The following AOPEP variants were observed in gnomAD, a reference collection of about 807,000 sequenced individuals.
The protein encoded by AOPEP is aminopeptidase O (putative), also known as aminopeptidase O.
In AOPEP, 77 loss-of-function variants were observed where a neutral mutation model predicts 98.1. That is an observed-to-expected ratio of 0.78 (90% CI 0.65 to 0.95). The LOEUF (loss-of-function observed/expected upper bound fraction) is 0.95, where lower values mean the gene tolerates loss of function less well. Among genes scored for constraint, AOPEP ranks in the 40% least tolerant of loss-of-function variants. The pLI, the probability that AOPEP is intolerant of heterozygous loss-of-function variation, is 0.00. For missense variants in AOPEP, 1,024 were observed against 1,024.7 expected, an observed-to-expected ratio of 1.00 and a Z score of 0.01; for synonymous variants, 346 against 365.3, an observed-to-expected ratio of 0.95 and a Z score of 0.60.
chr9:94,858,298 C>G (rs943536350), intron 5 of AOPEP, among the ~76,000 whole-genome samples: 3 of 152,102 alleles, frequency 2.0e-5, no homozygotes, highest in African/African-American at 7.2e-5. Context: ...AGATGTAAAC[C>G]TCTGTGTTTT....
chr9:95,148,223 C>T, the AOPEP span, among the ~76,000 whole-genome samples: 510 of 152,232 alleles, frequency 3.4e-3, 9 homozygotes, highest in East Asian at 0.043. Flanking sequence ...GAATTCTGTA[C>T]GGTGAAAAGG....
At chr9:94,958,913 A>G (rs952510485) in intron 9 of AOPEP, among the ~76,000 whole-genome samples, 1 of 151,620 alleles carries the variant, frequency 6.6e-6, no homozygotes, top group Non-Finnish European at 1.5e-5. Context: ...TCTTTGGTTT[A>G]TTATGCTTTA....
chr9:94,785,557 G>T (rs1844249939), intron 3 of AOPEP, among the ~76,000 whole-genome samples: 1 of 152,184 alleles, frequency 6.6e-6, no homozygotes, highest in African/African-American at 2.4e-5. Context: ...CAGAAAGAAG[G>T]GCAAGCTGGG....
At chr9:94,958,065 C>A (rs2058587577) in intron 9 of AOPEP, among the ~76,000 whole-genome samples, 1 of 152,176 alleles carries the variant, frequency 6.6e-6, no homozygotes, top group South Asian at 2.1e-4. Flanking sequence ...CTCCCCCAGC[C>A]CCAGCAACCG....
rs149734916 is a variant in AOPEP at position 94,821,715 on chromosome 9, C to G, written c.1364+20713C>G. Among the ~76,000 whole-genome samples the G allele has an allele frequency of 5.9e-5, 9 of 152,294 alleles. No homozygotes were observed. The East Asian group carries it at 1.7e-3, about 29-fold the overall frequency. Reference sequence around the variant, plus strand: ...CCAAAACTCAATTTTAAATAGTAGGCAGAGCCTATGCTGCTACCCTGTTAT... The same window carrying G: ...CCAAAACTCAATTTTAAATAGTAGGGAGAGCCTATGCTGCTACCCTGTTAT... On this transcript the variant is annotated intron_variant, in intron 5 of 16. Coordinates refer to ENST00000375315, the MANE Select transcript of AOPEP (RefSeq NM_001193329.3).
chr9:95,062,174 A>G (rs2067370853), intron 14 of AOPEP, among the ~76,000 whole-genome samples: 1 of 152,152 alleles, frequency 6.6e-6, no homozygotes, highest in Non-Finnish European at 1.5e-5. Flanking sequence ...AGAACCTTTG[A>G]GAAGAACGGC....
At chr9:94,849,502 C>CTTTT (rs1483175118) in intron 5 of AOPEP, among the ~76,000 whole-genome samples, 10 of 66,278 alleles carry the variant, frequency 1.5e-4, no homozygotes, top group South Asian at 8.0e-4. Context: ...TTCTTTCTTT[C>CTTTT]TTTCTTTTTT....
chr9:94,937,899 ATC>A (rs1564413461), intron 7 of AOPEP, among the ~76,000 whole-genome samples: 4 of 152,086 alleles, frequency 2.6e-5, no homozygotes, highest in Admixed American at 1.3e-4. Flanking sequence ...TTGAGATGGA[ATC>A]TCGCTCTGTC....
At chr9:94,931,854 C>A in intron 7 of AOPEP, 2 of 1,441,840 alleles carry the variant, frequency 1.4e-6, no homozygotes, top group Non-Finnish European at 1.9e-6. Context: ...TCTTACTCTC[C>A]TTGAGTTCCC....
At chr9:94,880,384 T>C (rs1461723123) in intron 5 of AOPEP, among the ~76,000 whole-genome samples, 1 of 151,470 alleles carries the variant, frequency 6.6e-6, no homozygotes, top group Non-Finnish European at 1.5e-5. Context: ...TTTTTTTTTT[T>C]TAGACAGGGT....
intron 13 of AOPEP, among the ~76,000 whole-genome samples, chr9:95,051,087 TA>T (rs1373476564): frequency 1.8e-4 from 19 of 104,090 alleles, no homozygotes; most frequent in Non-Finnish European, 3.6e-4. Flanking sequence ...TTTTGTGGCT[TA>T]CTTTTTTTTT....
At chr9:95,144,430 G>A in the AOPEP span, among the ~76,000 whole-genome samples, 3 of 152,238 alleles carry the variant, frequency 2.0e-5, no homozygotes, top group Non-Finnish European at 4.4e-5. Context: ...TTACAAGCAA[G>A]GGAGTGTGGG....
intron 5 of AOPEP, among the ~76,000 whole-genome samples, chr9:94,880,695 A>G (rs1425927097): frequency 1.3e-5 from 2 of 152,186 alleles, no homozygotes; most frequent in African/African-American, 4.8e-5. Context: ...GTACTACTCT[A>G]AAAGCATATC....
At chr9:95,072,228 C>T (rs1054535837) in intron 14 of AOPEP, among the ~76,000 whole-genome samples, 4 of 152,182 alleles carry the variant, frequency 2.6e-5, no homozygotes, top group African/African-American at 4.8e-5. Context: ...GCCATGCCCA[C>T]GTATTTACAT....
At chr9:94,931,578 T>C (rs2055311123) in intron 7 of AOPEP, 1 of 620,190 alleles carries the variant, frequency 1.6e-6, no homozygotes, top group Non-Finnish European at 2.9e-6. Context: ...GTTCTCAGAT[T>C]TTGTTTTCAA....
At chr9:94,977,699 A>G (rs898309624) in intron 10 of AOPEP, among the ~76,000 whole-genome samples, 2 of 152,110 alleles carry the variant, frequency 1.3e-5, no homozygotes, top group African/African-American at 4.8e-5. Flanking sequence ...AGCTGATGCT[A>G]TGAAAATGAC....
chr9:95,144,631 G>A, the AOPEP span, among the ~76,000 whole-genome samples: 35 of 152,308 alleles, frequency 2.3e-4, no homozygotes, highest in African/African-American at 8.2e-4. Flanking sequence ...CTAGACACGG[G>A]GGTGGCTGAG....
At chr9:95,045,877 C>T (rs1377443222) in intron 13 of AOPEP, among the ~76,000 whole-genome samples, 1 of 152,184 alleles carries the variant, frequency 6.6e-6, no homozygotes, top group East Asian at 1.9e-4. Flanking sequence ...CTGCCGGCCC[C>T]TGCGGAATGG....
intron 11 of AOPEP, among the ~76,000 whole-genome samples, chr9:95,000,689 C>T (rs2061505836): frequency 6.6e-6 from 1 of 152,054 alleles, no homozygotes; most frequent in Admixed American, 6.5e-5. Context: ...GCCTAGGTGA[C>T]AAGAGCAAGA....
Sources: allele counts gnomAD v4.1 joint callset (sites outside exome capture counted in the v4.1 genomes callset), GRCh38; gene constraint gnomAD v4.1.1; transcripts MANE v1.5; gene names NCBI Gene and HGNC (gene_info 2026-07-23, HGNC 2026-07-21).